The following GTF2F2 variants were observed in gnomAD, a reference collection of about 807,000 sequenced individuals.
The protein encoded by GTF2F2 is general transcription factor IIF subunit 2.
A neutral mutation model predicts 42.2 loss-of-function variants in GTF2F2; 23 were observed. That is an observed-to-expected ratio of 0.55 (90% CI 0.39 to 0.77). GTF2F2 has a LOEUF of 0.77. GTF2F2 is among the 30% of genes least tolerant of loss of function. GTF2F2 has a pLI of 0.00. For missense variants in GTF2F2, 261 were observed against 287.2 expected (o/e 0.91, Z 0.66); for synonymous variants, 105 against 100.8 (o/e 1.04, Z -0.25).
chr13:45,253,202 T>C (rs1875950301), intron 6 of GTF2F2, among the ~76,000 whole-genome samples: 1 of 152,086 alleles, frequency 6.6e-6, no homozygotes, highest in African/African-American at 2.4e-5. Flanking sequence ...AACCACTGTT[T>C]AAAGTACCCT....
At chr13:45,128,266 CT>C (rs1417524755) in intron 1 of GTF2F2, among the ~76,000 whole-genome samples, 5 of 147,870 alleles carry the variant, frequency 3.4e-5, no homozygotes, top group Non-Finnish European at 7.5e-5. Flanking sequence ...GGCCTCCCCC[CT>C]GGCCTTTTTA....
intron 5 of GTF2F2, among the ~76,000 whole-genome samples, chr13:45,210,735 T>G (rs1035525760): frequency 6.6e-6 from 1 of 152,204 alleles, no homozygotes; most frequent in African/African-American, 2.4e-5. Context: ...AAGATGAGGT[T>G]TAAAATGTTA....
At chr13:45,214,904 T>C (rs1396453589) in intron 5 of GTF2F2, among the ~76,000 whole-genome samples, 2 of 150,414 alleles carry the variant, frequency 1.3e-5, no homozygotes. Context: ...GACTTCTGTA[T>C]GTTTATGTCA....
Position 45,120,641 on chromosome 13 carries a change from A to G in GTF2F2, c.-15A>G. ...TCGCTGCTGCATCCCGCACGCCTCC[A>G]CCGGCTGCAGACCCATGGCCGAGCG... On this transcript the variant is annotated 5_prime_UTR_variant, in exon 1 of 8. Transcript: ENST00000340473. 3.2e-6 allele frequency: 5 copies of G among 1,553,094 alleles called. No homozygotes were observed. The highest frequency in any genetic ancestry group is 4.4e-6 in the Non-Finnish European group (5 of 1,147,230).
intron 5 of GTF2F2, among the ~76,000 whole-genome samples, chr13:45,249,720 G>A (rs780889052): frequency 3.3e-5 from 5 of 152,278 alleles, no homozygotes; most frequent in South Asian, 2.1e-4. Context: ...AGATCAAATC[G>A]TGGAGATGAC....
chr13:45,251,341 G>T (rs1875869307), intron 5 of GTF2F2, among the ~76,000 whole-genome samples: 2 of 151,998 alleles, frequency 1.3e-5, no homozygotes, highest in South Asian at 4.1e-4. Flanking sequence ...TTGAACCAAA[G>T]AATTTAAAGT....
chr13:45,153,435 T>G (rs1192882777), intron 4 of GTF2F2, among the ~76,000 whole-genome samples: 1 of 152,186 alleles, frequency 6.6e-6, no homozygotes, highest in African/African-American at 2.4e-5. Flanking sequence ...TCTTCAGTTA[T>G]GTAGTTGAAG....
At chr13:45,223,513 T>C (rs1482948218) in intron 5 of GTF2F2, among the ~76,000 whole-genome samples, 3 of 152,188 alleles carry the variant, frequency 2.0e-5, no homozygotes, top group Non-Finnish European at 4.4e-5. Context: ...TACATAATTA[T>C]ATTGAATGCC....
intron 2 of GTF2F2, among the ~76,000 whole-genome samples, chr13:45,145,499 G>A (rs770115742): frequency 1.6e-4 from 25 of 152,082 alleles, no homozygotes; most frequent in Non-Finnish European, 3.4e-4. Context: ...GAGCTAGGGA[G>A]CATATGTACA....
At chr13:45,210,321 G>A (rs1873581129) in intron 5 of GTF2F2, among the ~76,000 whole-genome samples, 1 of 151,944 alleles carries the variant, frequency 6.6e-6, no homozygotes, top group Non-Finnish European at 1.5e-5. Flanking sequence ...AGCCCTCCAG[G>A]CACACATCCA....
intron 4 of GTF2F2, among the ~76,000 whole-genome samples, chr13:45,203,610 C>T (rs1322740188): frequency 6.6e-6 from 1 of 152,120 alleles, no homozygotes; most frequent in African/African-American, 2.4e-5. Flanking sequence ...CCCCAAACTC[C>T]CCTCATACTT....
At chr13:45,147,884 G>T (rs1269494807) in intron 2 of GTF2F2, among the ~76,000 whole-genome samples, 1 of 152,060 alleles carries the variant, frequency 6.6e-6, no homozygotes, top group African/African-American at 2.4e-5. Flanking sequence ...TCTTTTCCTG[G>T]CTTTCCAGTT....
intron 5 of GTF2F2, among the ~76,000 whole-genome samples, chr13:45,252,454 C>G (rs1875919391): frequency 6.6e-6 from 1 of 152,174 alleles, no homozygotes; most frequent in Admixed American, 6.5e-5. Context: ...TTGATGTATT[C>G]TCTTTTTATT....
intron 7 of GTF2F2, among the ~76,000 whole-genome samples, chr13:45,281,822 C>T (rs945521301): frequency 6.6e-6 from 1 of 152,156 alleles, no homozygotes; most frequent in Non-Finnish European, 1.5e-5. Flanking sequence ...ATCATCATAC[C>T]GTAACTAGTT....
chr13:45,178,464 G>C (rs1341921539), intron 4 of GTF2F2, among the ~76,000 whole-genome samples: 2 of 147,578 alleles, frequency 1.4e-5, no homozygotes, highest in African/African-American at 5.0e-5. Context: ...TTGTTTTATA[G>C]TGTGTATCTG....
chr13:45,238,481 T>C (rs1875110442), intron 5 of GTF2F2, among the ~76,000 whole-genome samples: 1 of 152,228 alleles, frequency 6.6e-6, no homozygotes, highest in East Asian at 1.9e-4. Context: ...GCATTAGCAG[T>C]AAGTTTCTTC....
intron 5 of GTF2F2, among the ~76,000 whole-genome samples, chr13:45,250,965 C>G (rs1005606292): frequency 6.6e-6 from 1 of 152,050 alleles, no homozygotes; most frequent in Non-Finnish European, 1.5e-5. Context: ...AAAGACACTT[C>G]CAGAGAACTT....
At chr13:45,174,345 C>T (rs1871753972) in intron 4 of GTF2F2, among the ~76,000 whole-genome samples, 1 of 152,118 alleles carries the variant, frequency 6.6e-6, no homozygotes, top group Admixed American at 6.5e-5. Context: ...AATGTGACCA[C>T]TGCCACATAC....
chr13:45,124,432 C>T lies in GTF2F2; in HGVS notation c.66+3711C>T, dbSNP rs1051311487. ...ATTTTTGCGGCCAGGCATGGTGGCT[C>T]ATGCCTGTAATCGCAGCACTTTGGG... On this transcript the variant is annotated intron_variant, in intron 1 of 7. Transcript: ENST00000340473. 4.0e-5 allele frequency among the ~76,000 whole-genome samples: 6 copies of T among 150,934 alleles called. 1 individual carries two copies. In the South Asian group the frequency reaches 1.3e-3, roughly 32 times the overall value.
Sources: gnomAD v4.1 joint callset for allele counts (sites outside exome capture counted in the v4.1 genomes callset) on GRCh38, gnomAD v4.1.1 for gene constraint, MANE v1.5 for transcripts, NCBI Gene and HGNC (gene_info 2026-07-23, HGNC 2026-07-21) for gene names.